PRUNE1: variants seen among roughly 807,000 people sequenced by gnomAD.
The protein encoded by PRUNE1 is exopolyphosphatase PRUNE1.
Under a neutral mutation model 42.5 loss-of-function variants are expected in PRUNE1, and 25 were observed. That is an observed-to-expected ratio of 0.59 (90% CI 0.43 to 0.82). PRUNE1 has a LOEUF of 0.82. PRUNE1 is among the 40% of genes least tolerant of loss of function. The pLI is 0.00. For missense variants in PRUNE1, 443 were observed against 539.3 expected (o/e 0.82, Z 1.77); for synonymous variants, 203 against 217.1 (o/e 0.93, Z 0.57).
chr1:151,008,489 GC>G lies in PRUNE1; in HGVS notation c.-142del. Reference sequence around the variant, plus strand: ...TCCTCCCGGGGTCGGAGGCCGATTCGCCGTGTGGCGGGTTCGAGTCCCGCCT... The same window carrying G: ...TCCTCCCGGGGTCGGAGGCCGATTCGCGTGTGGCGGGTTCGAGTCCCGCCT... On this transcript the variant is annotated 5_prime_UTR_variant, in exon 1 of 8. Transcript: ENST00000271620. The G allele has an allele frequency of 8.1e-7, 1 of 1,232,368 alleles. No homozygotes were observed. Among genetic ancestry groups the G allele is most frequent in the Non-Finnish European group, 1.2e-6 (1 of 848,066 alleles). The allele number at this position is 1,232,368 out of a possible 1,614,324, so 76.3% of individuals were successfully genotyped here.
chr1:151,019,837 T>A (rs1674313166), intron 3 of PRUNE1, among the ~76,000 whole-genome samples: 1 of 147,538 alleles, frequency 6.8e-6, no homozygotes, highest in Admixed American at 6.8e-5. Context: ...TAATTAATTA[T>A]TTTTTTTTGA....
At chr1:151,008,878 C>T (rs959710087) in intron 1 of PRUNE1, 6 of 725,284 alleles carry the variant, frequency 8.3e-6, no homozygotes, top group Middle Eastern at 2.3e-4. Flanking sequence ...TGTTCAGTCT[C>T]CCGGTTTTTG....
Position 151,008,570 on chromosome 1 carries a change from A to G in PRUNE1, c.-63A>G, listed in dbSNP as rs1292750722. The G allele has an allele frequency of 1.9e-5, 31 of 1,593,868 alleles. No homozygotes were observed. Among genetic ancestry groups the G allele is most frequent in the Non-Finnish European group, 2.2e-5 (26 of 1,162,266 alleles). On this transcript the variant is annotated 5_prime_UTR_variant, in exon 1 of 8. Coordinates refer to ENST00000271620, the MANE Select transcript of PRUNE1 (RefSeq NM_021222.3). ...CGGGCGGGCTGCATTCGTCGGGGAA[A>G]CCTCTCCTCGACCAGGGGCACCTCT...
chr1:151,012,627 A>G (rs1302685778), intron 1 of PRUNE1, among the ~76,000 whole-genome samples: 2 of 152,204 alleles, frequency 1.3e-5, no homozygotes, highest in Non-Finnish European at 2.9e-5. Flanking sequence ...AGAGAAAGAC[A>G]TTAGGTAGAC....
Position 151,022,570 on chromosome 1 carries a change from G to A in PRUNE1, c.336-2041G>A, listed in dbSNP as rs587607304. Among the ~76,000 whole-genome samples the A allele has an allele frequency of 1.5e-4, 22 of 151,242 alleles. No homozygotes were observed. The South Asian group carries it at 2.7e-3, about 19-fold the overall frequency. On this transcript the variant is annotated intron_variant, in intron 3 of 7. Transcript: ENST00000271620. Reference sequence around the variant, plus strand: ...AGTAGCTGGGACTACAGGTGTGCCCGCCACCACACCTGGCTAATTTTTGTA... The same window carrying A: ...AGTAGCTGGGACTACAGGTGTGCCCACCACCACACCTGGCTAATTTTTGTA...
rs1175562355 is a variant in PRUNE1, at chr1:151,025,509, C to T, written c.521-6C>T. The T allele has an allele frequency of 6.2e-6, 10 of 1,612,192 alleles. No individual in the cohort carries two copies. The highest frequency in any genetic ancestry group is 8.5e-6 in the Non-Finnish European group (10 of 1,179,214). Reference sequence around the variant, plus strand: ...ATTCAAGTTCCACCATCTCCCTTCTCCACAGGAACCATCATCCTGGACTGT... The same window carrying T: ...ATTCAAGTTCCACCATCTCCCTTCTTCACAGGAACCATCATCCTGGACTGT... On this transcript the variant is annotated splice_polypyrimidine_tract_variant and splice_region_variant and intron_variant, in intron 4 of 7. Coordinates refer to ENST00000271620, the MANE Select transcript of PRUNE1 (RefSeq NM_021222.3).
At chr1:151,032,800 G>A (rs1474353911) in intron 7 of PRUNE1, among the ~76,000 whole-genome samples, 2 of 151,116 alleles carry the variant, frequency 1.3e-5, no homozygotes, top group Admixed American at 6.6e-5. Context: ...TTTTTTTCTT[G>A]TCTTGCTTTA....
intron 4 of PRUNE1, among the ~76,000 whole-genome samples, chr1:151,025,248 T>A (rs993509901): frequency 2.6e-5 from 4 of 152,150 alleles, no homozygotes; most frequent in Non-Finnish European, 5.9e-5. Context: ...TGAAGAGGTG[T>A]ATCTCTGTCT....
At chr1:151,027,592 T>A (rs1674936999) in intron 6 of PRUNE1, among the ~76,000 whole-genome samples, 1 of 150,644 alleles carries the variant, frequency 6.6e-6, no homozygotes, top group African/African-American at 2.4e-5. Flanking sequence ...TAATTTTTTT[T>A]TTTTTTTTTT....
At chr1:151,021,723 C>CTT (rs778163573) in intron 3 of PRUNE1, among the ~76,000 whole-genome samples, 2 of 141,212 alleles carry the variant, frequency 1.4e-5, no homozygotes, top group African/African-American at 5.2e-5. Flanking sequence ...CTTTTTTTTT[C>CTT]TTTTTTTTTT....
intron 7 of PRUNE1, among the ~76,000 whole-genome samples, chr1:151,029,905 T>C (rs1675135856): frequency 6.6e-6 from 1 of 152,124 alleles, no homozygotes; most frequent in African/African-American, 2.4e-5. Context: ...GATTTGGCTA[T>C]CTTTCCTACT....
At position 151,025,555 on chromosome 1, in the gene PRUNE1, T is replaced by C. The variant is rs1167384722; in HGVS notation, c.561T>C (p.Ile187=). ...ILDCVNMDLK[I]GKATPKDSKY... is the part of the protein sequence containing the mutation. ...ACTGTGTCAACATGGACCTTAAAAT[T>C]GGAAAGGCAACCCCAAAGGACAGCA... Residue 187 remains isoleucine, a synonymous_variant, in exon 5 of 8, where the codon ATT becomes ATC. Transcript: ENST00000271620. 6.2e-7 allele frequency: 1 copy of C among 1,613,912 alleles called. No individual in the cohort carries two copies. Among genetic ancestry groups the C allele is most frequent in the African/African-American group, 1.3e-5 (1 of 74,890 alleles).
chr1:151,027,747 AGTGTGTGTGTGT>A (rs3034003), intron 6 of PRUNE1, among the ~76,000 whole-genome samples: 27 of 130,946 alleles, frequency 2.1e-4, no homozygotes, highest in African/African-American at 6.8e-4. Context: ...ACACCTAACT[AGTGTGTGTGTGT>A]GTGTGTGTGT....
At chr1:151,013,104 C>T (rs1181394103) in intron 1 of PRUNE1, among the ~76,000 whole-genome samples, 1 of 152,122 alleles carries the variant, frequency 6.6e-6, no homozygotes, top group African/African-American at 2.4e-5. Flanking sequence ...TTAGAGGGTC[C>T]AAAGTCCTGC....
At chr1:151,013,983 C>A (rs587623286) in intron 1 of PRUNE1, among the ~76,000 whole-genome samples, 104 of 145,024 alleles carry the variant, frequency 7.2e-4, no homozygotes, top group Middle Eastern at 3.6e-3. Flanking sequence ...TGCTTCCACA[C>A]TTTTTTTTTT....
At chr1:151,030,205 G>C (rs1239108637) in intron 7 of PRUNE1, among the ~76,000 whole-genome samples, 1 of 150,302 alleles carries the variant, frequency 6.7e-6, no homozygotes, top group Non-Finnish European at 1.5e-5. Flanking sequence ...AGAGGTTGCA[G>C]TGAGCCGAGA....
chr1:151,018,495 C>G lies in PRUNE1; in HGVS notation c.161C>G (p.Pro54Arg). 1 of 1,613,292 alleles carries G rather than the reference C, an allele frequency of 6.2e-7. No individual in the cohort carries two copies. The highest frequency in any genetic ancestry group is 8.5e-7 in the Non-Finnish European group (1 of 1,179,314). Reference protein sequence around the residue: ...KTTEAEEVFVPVLNIKRSELP... With the variant: ...KTTEAEEVFVRVLNIKRSELP... ...ACTGAGGCTGAGGAAGTCTTTGTGC[C>G]AGTTTTAAATATAAAACGTTCTGAA... The change falls in exon 3 of 8, where the codon CCA becomes CGA. Residue 54 changes from proline (P) to arginine (R), a missense_variant. By Grantham distance (103) the Pro-to-Arg change is moderately radical. Transcript: ENST00000271620.
chr1:151,025,069 C>T (rs1674738111), intron 4 of PRUNE1, among the ~76,000 whole-genome samples: 1 of 152,056 alleles, frequency 6.6e-6, no homozygotes, highest in Non-Finnish European at 1.5e-5. Flanking sequence ...GCTAAAGAAG[C>T]AGGAAACAGA....
chr1:151,030,058 T>C (rs1675144928), intron 7 of PRUNE1, among the ~76,000 whole-genome samples: 1 of 151,714 alleles, frequency 6.6e-6, no homozygotes, highest in Non-Finnish European at 1.5e-5. Context: ...GAGCAAGAGA[T>C]CAAGACCATC....
Sources: allele counts gnomAD v4.1 joint callset (sites outside exome capture counted in the v4.1 genomes callset), GRCh38; gene constraint gnomAD v4.1.1; transcripts MANE v1.5; gene names NCBI Gene and HGNC (gene_info 2026-07-23, HGNC 2026-07-21).